Variants in FAM107A observed in about 807,000 individuals in gnomAD.
The protein encoded by FAM107A is family with sequence similarity 107 member A, also known as actin-associated protein FAM107A.
Under a neutral mutation model 13.7 loss-of-function variants are expected in FAM107A, and 19 were observed. The ratio of observed to expected loss-of-function variants is 1.38; its 90% CI spans 0.97 to 2.03. The LOEUF is 2.03. FAM107A is among the 30% of genes most tolerant of loss of function. The pLI is 0.00. For synonymous variants in FAM107A, 82 were observed against 74.5 expected (o/e 1.10, Z -0.52); for missense variants, 203 against 184.4 (o/e 1.10, Z -0.58).
At chr3:58,593,643 C>T (rs955381416) in intron 1 of FAM107A, among the ~76,000 whole-genome samples, 4 of 152,068 alleles carry the variant, frequency 2.6e-5, no homozygotes, top group Admixed American at 2.0e-4. Flanking sequence ...GCTCCCTACC[C>T]TTCCCTAATT....
upstream of FAM107A, among the ~76,000 whole-genome samples, chr3:58,582,050 G>A (rs1222154512): frequency 2.0e-5 from 3 of 152,138 alleles, no homozygotes; most frequent in Non-Finnish European, 2.9e-5. Flanking sequence ...ATGTGTGCGC[G>A]CATGCATGCA....
chr3:58,580,413 T>G (rs2065521260), upstream of FAM107A, among the ~76,000 whole-genome samples: 1 of 115,666 alleles, frequency 8.6e-6, no homozygotes, highest in Non-Finnish European at 1.8e-5. Context: ...GAATCTGGAT[T>G]TTTTTTTTTT....
At chr3:58,605,189 T>C (rs529773242) in intron 1 of FAM107A, among the ~76,000 whole-genome samples, 6 of 152,186 alleles carry the variant, frequency 3.9e-5, no homozygotes, top group Non-Finnish European at 8.8e-5. Flanking sequence ...CTCAGCTTGA[T>C]GTCTAGGATG....
intron 1 of FAM107A, among the ~76,000 whole-genome samples, chr3:58,575,318 G>A (rs910951372): frequency 6.6e-6 from 1 of 152,202 alleles, no homozygotes; most frequent in African/African-American, 2.4e-5. Context: ...TTTGGAGGGT[G>A]AAGTGATACA....
chr3:58,573,607 G>A (rs569490234), intron 1 of FAM107A: 1 of 152,776 alleles, frequency 6.5e-6, no homozygotes, highest in East Asian at 1.9e-4. Flanking sequence ...CAGGAGAAGA[G>A]CTAGCAGGGA....
chr3:58,622,386 A>C (rs2065964520), intron 1 of FAM107A, among the ~76,000 whole-genome samples: 1 of 152,178 alleles, frequency 6.6e-6, no homozygotes, highest in South Asian at 2.1e-4. Context: ...GGTTGTTGTG[A>C]GCTGAGATTG....
At chr3:58,602,370 T>G (rs1300113540) in intron 1 of FAM107A, among the ~76,000 whole-genome samples, 3 of 151,776 alleles carry the variant, frequency 2.0e-5, no homozygotes, top group African/African-American at 4.8e-5. Flanking sequence ...CTGGAGGGAG[T>G]GTTGATAGTA....
upstream of FAM107A, among the ~76,000 whole-genome samples, chr3:58,590,738 C>T (rs2065648259): frequency 6.6e-6 from 1 of 152,116 alleles, no homozygotes; most frequent in Non-Finnish European, 1.5e-5. Flanking sequence ...GGGAATCTGC[C>T]CCCATGATCT....
chr3:58,575,288 A>G (rs2063721516), intron 1 of FAM107A, among the ~76,000 whole-genome samples: 1 of 152,168 alleles, frequency 6.6e-6, no homozygotes, highest in African/African-American at 2.4e-5. Flanking sequence ...AGCAAGGATA[A>G]CAGCCTATTC....
upstream of FAM107A, among the ~76,000 whole-genome samples, chr3:58,581,167 C>T (rs2065536996): frequency 1.3e-5 from 2 of 152,220 alleles, no homozygotes; most frequent in Admixed American, 6.5e-5. Context: ...CTTGCTCGGC[C>T]CCCTGGTGAG....
At chr3:58,589,338 T>C, upstream of FAM107A, 1 of 1,027,430 alleles carries the variant, frequency 9.7e-7, no homozygotes, top group Non-Finnish European at 1.5e-6. Flanking sequence ...GGGTGATATA[T>C]TCACAATGTA....
rs980300516 is a variant in FAM107A at position 58,569,403 on chromosome 3, C to T, written c.170+288G>A. ...TCATTCTTGTATCCCCAGGTCTGGG[C>T]TCAGTGCCCAGCACATAGTAGGTAC... On this transcript the variant is annotated intron_variant, in intron 2 of 3. Coordinates refer to ENST00000360997, the MANE Select transcript of FAM107A (RefSeq NM_001076778.3). The surrounding 1 kb of genome is among the most constrained non-coding windows in gnomAD (Gnocchi z 5.7). 3.3e-5 allele frequency among the ~76,000 whole-genome samples: 5 copies of T among 152,228 alleles called. No homozygotes were observed. Among genetic ancestry groups the T allele is most frequent in the African/African-American group, 9.6e-5 (4 of 41,464 alleles).
At chr3:58,605,725 A>T (rs918640837) in intron 1 of FAM107A, among the ~76,000 whole-genome samples, 1 of 152,188 alleles carries the variant, frequency 6.6e-6, no homozygotes, top group Non-Finnish European at 1.5e-5. Flanking sequence ...GTAGTGAGAC[A>T]TCCTTACCCC....
At chr3:58,567,455 A>G in intron 2 of FAM107A, 91 bp from the exon 3 acceptor site, 1 of 1,378,284 alleles carries the variant, frequency 7.3e-7, no homozygotes, top group African/African-American at 1.4e-5. Flanking sequence ...ACCAACCCCC[A>G]TTATTATCTT....
intron 1 of FAM107A, among the ~76,000 whole-genome samples, chr3:58,570,634 A>G (rs1183757557): frequency 3.1e-5 from 4 of 129,932 alleles, no homozygotes; most frequent in African/African-American, 1.1e-4. Context: ...AGAGAGAGAG[A>G]GAAAGAGACT....
intron 1 of FAM107A, among the ~76,000 whole-genome samples, chr3:58,596,645 C>T (rs1223688172): frequency 6.7e-6 from 1 of 150,000 alleles, no homozygotes; most frequent in Non-Finnish European, 1.5e-5. Context: ...TGCCACTGCA[C>T]TCCAGCCTGG....
rs1383774705 is a variant in FAM107A at position 58,564,196 on chromosome 3, A to T, written c.*2392T>A. The T allele has an allele frequency of 3.3e-5, 5 of 152,182 alleles. No individual in the cohort carries two copies. In the East Asian group the frequency reaches 9.6e-4, roughly 29 times the overall value. 9.4% of individuals were successfully genotyped at this position (152,182 alleles called of 1,614,324 possible). Reference sequence around the variant, plus strand: ...CTGGTATTGGCTTGGTGAAATAATGATAGGGTCAATGACTCTGTGATTCTC... The same window carrying T: ...CTGGTATTGGCTTGGTGAAATAATGTTAGGGTCAATGACTCTGTGATTCTC... On this transcript the variant is annotated 3_prime_UTR_variant, in exon 4 of 4. Coordinates refer to ENST00000360997, the MANE Select transcript of FAM107A (RefSeq NM_001076778.3). This position sits in a 1 kb window ranked among gnomAD's most constrained non-coding sequence, Gnocchi z 5.6.
At position 58,566,459 on chromosome 3, in the gene FAM107A, A is replaced by C; in HGVS notation, c.*129T>G. The C allele has an allele frequency of 1.4e-6, 1 of 704,900 alleles. No homozygotes were observed. Among genetic ancestry groups the C allele is most frequent in the Non-Finnish European group, 2.4e-6 (1 of 416,438 alleles). The allele number at this position is 704,900 out of a possible 1,614,324, so 43.7% of individuals were successfully genotyped here. Reference sequence around the variant, plus strand: ...AGAGCCAGGCCCTCTGGGGTGACACATTTCTACAGAAGCAGGTGGGAACAT... The same window carrying C: ...AGAGCCAGGCCCTCTGGGGTGACACCTTTCTACAGAAGCAGGTGGGAACAT... On this transcript the variant is annotated 3_prime_UTR_variant, in exon 4 of 4. Coordinates refer to ENST00000360997, the MANE Select transcript of FAM107A (RefSeq NM_001076778.3).
At chr3:58,610,976 G>A (rs959455723) in intron 1 of FAM107A, among the ~76,000 whole-genome samples, 1 of 152,174 alleles carries the variant, frequency 6.6e-6, no homozygotes, top group Non-Finnish European at 1.5e-5. Context: ...TGGATCATGG[G>A]GGCTGTTACC....
Sources: gnomAD v4.1 joint callset for allele counts (sites outside exome capture counted in the v4.1 genomes callset) on GRCh38, gnomAD v4.1.1 for gene constraint, Gnocchi (gnomAD v3.1) non-coding constraint, MANE v1.5 for transcripts, NCBI Gene and HGNC (gene_info 2026-07-23, HGNC 2026-07-21) for gene names.